Variants in ANKRD11 observed in about 807,000 individuals in gnomAD.
The protein encoded by ANKRD11 is ankyrin repeat domain-containing protein 11.
ANKRD11 carries 17 observed loss-of-function variants against 195.7 expected under a neutral mutation model. The observed-to-expected ratio is 0.09, with a 90% CI of 0.06 to 0.13. ANKRD11 has a LOEUF of 0.13. Ranked by LOEUF, ANKRD11 falls within the 10% of genes least tolerant of loss-of-function variation. The pLI, the probability that ANKRD11 is intolerant of heterozygous loss-of-function variation, is 1.00. For missense variants in ANKRD11, 3,735 were observed against 3,566.1 expected (o/e 1.05, Z -1.21); for synonymous variants, 1,953 against 1,528.1 (o/e 1.28, Z -6.49).
At chr16:89,288,479 C>A in intron 7 of ANKRD11, 49 bp downstream of exon 7, 2 of 1,613,764 alleles carry the variant, frequency 1.2e-6, no homozygotes, top group South Asian at 2.2e-5. Context: ...TACAGAACCA[C>A]CCAGATGCCA....
At chr16:89,397,192 C>A (rs545665283) in intron 2 of ANKRD11, among the ~76,000 whole-genome samples, 1 of 152,160 alleles carries the variant, frequency 6.6e-6, no homozygotes, top group Non-Finnish European at 1.5e-5. Context: ...CGTCCAACGG[C>A]GTCTCACAGT....
chr16:89,286,546 T>G, intron 7 of ANKRD11: 35 of 672,286 alleles, frequency 5.2e-5, no homozygotes, highest in Non-Finnish European at 6.4e-5. Flanking sequence ...CCGCCAACAG[T>G]GAGCTCCTCA....
chr16:89,441,515 C>A (rs967455891), intron 1 of ANKRD11, among the ~76,000 whole-genome samples: 1 of 151,966 alleles, frequency 6.6e-6, no homozygotes, highest in Admixed American at 6.6e-5. Context: ...CGCCTGTAAT[C>A]CCAGCACTTT....
At chr16:89,451,827 G>C (rs1769121180) in intron 1 of ANKRD11, among the ~76,000 whole-genome samples, 1 of 152,106 alleles carries the variant, frequency 6.6e-6, no homozygotes, top group Admixed American at 6.6e-5. Flanking sequence ...CTTAAAAACT[G>C]AAAAAGAAAA....
At chr16:89,411,185 C>T (rs543047503) in intron 2 of ANKRD11, among the ~76,000 whole-genome samples, 21 of 152,374 alleles carry the variant, frequency 1.4e-4, no homozygotes, top group Admixed American at 5.2e-4. Flanking sequence ...GCCACGCCTC[C>T]ATGACGGTGC....
At chr16:89,321,263 T>C (rs1299532769) in intron 2 of ANKRD11, 4 of 152,356 alleles carry the variant, frequency 2.6e-5, no homozygotes, top group African/African-American at 9.6e-5. Context: ...TTTCAGCCTA[T>C]CTGGTCTCTT....
Position 89,305,273 on chromosome 16 carries a change from C to G in ANKRD11, c.159G>C (p.Glu53Asp). 6.2e-7 allele frequency: 1 copy of G among 1,613,950 alleles called. No individual in the cohort carries two copies. The highest frequency in any genetic ancestry group is 1.3e-5 in the African/African-American group (1 of 75,038). ...AGGGCAGCTTCCGCTTGCTGGCTCG[C>G]TCCCTCACCTCCTTCCCGCCATCGC... Reference protein sequence around the residue: ...ERGDGGKEVRERASKRKLPFT... With the variant: ...ERGDGGKEVRDRASKRKLPFT... The change falls in exon 4 of 13, where the codon GAG (glutamate) becomes GAC (aspartate). Residue 53 changes from glutamate (E) to aspartate (D), a missense_variant. By Grantham distance (45) the Glu-to-Asp change is conservative. Transcript: ENST00000301030.
rs1417051625 is a variant in ANKRD11 at position 89,274,975 on chromosome 16, T to A, written c.7570-18A>T. Reference sequence around the variant, plus strand: ...AGCTTCTCCTGAAGGAGGAGAGGAGTAGAGTGAGCTGGGACACAGCCACGC... The same window carrying A: ...AGCTTCTCCTGAAGGAGGAGAGGAGAAGAGTGAGCTGGGACACAGCCACGC... On this transcript the variant is annotated intron_variant, in intron 10 of 12. Coordinates refer to ENST00000301030, the MANE Select transcript of ANKRD11 (RefSeq NM_013275.6). The A allele has an allele frequency of 6.2e-7, 1 of 1,612,302 alleles. No individual in the cohort carries two copies. Among genetic ancestry groups the A allele is most frequent in the African/African-American group, 1.3e-5 (1 of 74,700 alleles).
At chr16:89,278,314 G>A (rs577829116) in intron 9 of ANKRD11, 1 of 354,748 alleles carries the variant, frequency 2.8e-6, no homozygotes, top group East Asian at 7.6e-5. Context: ...CAGTGGGTAG[G>A]AGGAGGTGGG....
chr16:89,344,765 C>T (rs111767678), intron 2 of ANKRD11, among the ~76,000 whole-genome samples: 27 of 152,288 alleles, frequency 1.8e-4, no homozygotes, highest in African/African-American at 5.3e-4. Context: ...GGGAGCACAG[C>T]GGAGGGCCAG....
chr16:89,300,875 C>G (rs943310068), intron 4 of ANKRD11: 2 of 702,156 alleles, frequency 2.8e-6, no homozygotes, highest in African/African-American at 1.7e-5. Context: ...GAAACATCCA[C>G]GTGCAGAGGG....
intron 1 of ANKRD11, among the ~76,000 whole-genome samples, chr16:89,440,675 A>G (rs964650785): frequency 6.6e-6 from 1 of 152,158 alleles, no homozygotes; most frequent in Non-Finnish European, 1.5e-5. Context: ...TATCAAGCAC[A>G]AACTAAGGGC....
chr16:89,360,526 G>A (rs1434674021), intron 2 of ANKRD11: 1 of 152,216 alleles, frequency 6.6e-6, no homozygotes, highest in Non-Finnish European at 1.5e-5. Flanking sequence ...TTATTGTTAT[G>A]TGCATTAGCC....
intron 2 of ANKRD11, among the ~76,000 whole-genome samples, chr16:89,374,809 C>T (rs369877893): frequency 8.5e-5 from 13 of 152,276 alleles, no homozygotes; most frequent in African/African-American, 2.9e-4. Flanking sequence ...CCGAACACCA[C>T]GGCTTGGCTG....
intron 2 of ANKRD11, among the ~76,000 whole-genome samples, chr16:89,397,789 G>C (rs1241186039): frequency 6.6e-6 from 1 of 152,232 alleles, no homozygotes; most frequent in East Asian, 1.9e-4. Flanking sequence ...CTGGAGTGGA[G>C]CCCTTGGCAG....
intron 2 of ANKRD11, among the ~76,000 whole-genome samples, chr16:89,335,380 C>T (rs2038299011): frequency 1.3e-5 from 2 of 152,214 alleles, no homozygotes; most frequent in Admixed American, 1.3e-4. Flanking sequence ...TCCCACAGGT[C>T]CCAGAAGCAT....
intron 2 of ANKRD11, among the ~76,000 whole-genome samples, chr16:89,385,592 C>T (rs1414423558): frequency 1.3e-5 from 2 of 152,184 alleles, no homozygotes. Flanking sequence ...AGCAAGAAGA[C>T]AGTCACCATA....
At chr16:89,468,340 G>A (rs1030236489) in intron 1 of ANKRD11, among the ~76,000 whole-genome samples, 1 of 152,146 alleles carries the variant, frequency 6.6e-6, no homozygotes, top group Non-Finnish European at 1.5e-5. Flanking sequence ...CAATCATGAG[G>A]TCGGGGGGAA....
intron 1 of ANKRD11, among the ~76,000 whole-genome samples, chr16:89,425,323 C>T (rs1466291615): frequency 6.6e-6 from 1 of 152,172 alleles, no homozygotes; most frequent in Non-Finnish European, 1.5e-5. Flanking sequence ...CCACACTCTT[C>T]ACCACGATCA....
Sources: gnomAD v4.1 joint callset for allele counts (sites outside exome capture counted in the v4.1 genomes callset) on GRCh38, gnomAD v4.1.1 for gene constraint, MANE v1.5 for transcripts, NCBI Gene and HGNC (gene_info 2026-07-23, HGNC 2026-07-21) for gene names.